RGS6: variants seen among roughly 807,000 people sequenced by gnomAD.
RGS6 encodes the protein regulator of G-protein signaling 6.
In RGS6, 30 loss-of-function variants were observed where a neutral mutation model predicts 78.5. The observed-to-expected ratio is 0.38, with a 90% CI of 0.29 to 0.52. The LOEUF (loss-of-function observed/expected upper bound fraction) is 0.52, where lower values mean the gene tolerates loss of function less well. RGS6 is among the 20% of genes least tolerant of loss of function. RGS6 has a pLI of 0.85. For missense variants in RGS6, 495 were observed against 609.7 expected (o/e 0.81, Z 1.98); for synonymous variants, 206 against 206.0 (o/e 1.00, Z 0.00).
chr14:72,563,362 C>G lies in RGS6; in HGVS notation c.*895C>G, dbSNP rs1042089237. On this transcript the variant is annotated 3_prime_UTR_variant, in exon 18 of 18. Transcript: ENST00000553525. ...TGAACTCAGGGGCCATTGGGATTCT[C>G]CCCTCTGGCAGCCCCAGGTGGGAGC... 2.6e-5 allele frequency: 4 copies of G among 152,956 alleles called. No individual in the cohort carries two copies. The highest frequency in any genetic ancestry group is 9.6e-5 in the African/African-American group (4 of 41,464). 9.5% of individuals were successfully genotyped at this position (152,956 alleles called of 1,614,324 possible). A position where few individuals can be genotyped will look rare whatever the true frequency, so the allele number is the denominator to read the frequency against.
At chr14:71,974,958 A>AGG (rs2094026971) in intron 2 of RGS6, among the ~76,000 whole-genome samples, 1 of 152,180 alleles carries the variant, frequency 6.6e-6, no homozygotes, top group Non-Finnish European at 1.5e-5. Context: ...TGGGTAACAT[A>AGG]GGGAGACAAC....
At position 72,403,860 on chromosome 14, in the gene RGS6, G is replaced by T. The variant is rs144721198; in HGVS notation, c.185-50668G>T. Reference sequence around the variant, plus strand: ...AGGCCTAAATGAATCTTACCTGAGAGTGCTGAAAGAAAATTATGTTTAATT... The same window carrying T: ...AGGCCTAAATGAATCTTACCTGAGATTGCTGAAAGAAAATTATGTTTAATT... On this transcript the variant is annotated intron_variant, in intron 3 of 17. Coordinates refer to ENST00000553525, the MANE Select transcript of RGS6 (RefSeq NM_001204424.2). 2.1e-3 allele frequency among the ~76,000 whole-genome samples: 325 copies of T among 152,290 alleles called. 2 individuals are homozygous for T. The highest frequency in any genetic ancestry group is 7.4e-3 in the African/African-American group (307 of 41,552).
chr14:72,436,712 G>A (rs1167094702), intron 3 of RGS6, among the ~76,000 whole-genome samples: 1 of 152,166 alleles, frequency 6.6e-6, no homozygotes, highest in Non-Finnish European at 1.5e-5. Context: ...CCACTGACCT[G>A]TCTTACTATT....
chr14:72,026,271 G>A (rs1478237671), intron 2 of RGS6, among the ~76,000 whole-genome samples: 1 of 152,108 alleles, frequency 6.6e-6, no homozygotes, highest in Admixed American at 6.5e-5. Flanking sequence ...GCCGGGCATG[G>A]TGGCACATGT....
At chr14:72,537,724 T>A (rs2097269410) in intron 16 of RGS6, 6 of 601,670 alleles carry the variant, frequency 1.0e-5, no homozygotes, top group Non-Finnish European at 1.5e-5. Context: ...TCAAAGTAAG[T>A]TTTTCTTATT....
intron 15 of RGS6, among the ~76,000 whole-genome samples, chr14:72,526,572 A>C (rs879762631): frequency 2.1e-5 from 3 of 145,802 alleles, no homozygotes; most frequent in Non-Finnish European, 4.4e-5. Flanking sequence ...TGCTTTGCAG[A>C]GTAAAGGCAA....
chr14:72,038,538 CATTT>C (rs1049672753), intron 2 of RGS6, among the ~76,000 whole-genome samples: 3 of 151,922 alleles, frequency 2.0e-5, no homozygotes, highest in African/African-American at 7.2e-5. Context: ...ATGTTTTTTT[CATTT>C]ATTTAGGTCC....
At chr14:72,083,131 G>A (rs554220511) in intron 2 of RGS6, among the ~76,000 whole-genome samples, 1 of 152,234 alleles carries the variant, frequency 6.6e-6, no homozygotes, top group Admixed American at 6.5e-5. Flanking sequence ...TAGAAAACTT[G>A]CCTATAAGGT....
chr14:72,139,365 G>T (rs963152125), intron 2 of RGS6, among the ~76,000 whole-genome samples: 2 of 152,124 alleles, frequency 1.3e-5, no homozygotes, highest in African/African-American at 4.8e-5. Context: ...ACTGTTCCTT[G>T]CAACCAGTGA....
At chr14:72,469,585 G>T (rs2096018474) in intron 7 of RGS6, 2 of 155,200 alleles carry the variant, frequency 1.3e-5, no homozygotes, top group Non-Finnish European at 2.8e-5. Context: ...GTCCTTCCCA[G>T]CTCCCCACTG....
chr14:72,269,561 T>A, intron 2 of RGS6, among the ~76,000 whole-genome samples: 1 of 130,942 alleles, frequency 7.6e-6, no homozygotes, highest in Non-Finnish European at 1.6e-5. Flanking sequence ...GTGAAACCTA[T>A]CTTAAATTTT....
At chr14:72,349,979 C>T (rs939160033) in intron 2 of RGS6, among the ~76,000 whole-genome samples, 23 of 152,130 alleles carry the variant, frequency 1.5e-4, no homozygotes, top group African/African-American at 5.6e-4. Flanking sequence ...GAAAATGTGA[C>T]CATTTTTCTA....
chr14:72,603,997 A>G, the RGS6 span, among the ~76,000 whole-genome samples: 2 of 152,320 alleles, frequency 1.3e-5, no homozygotes, highest in Non-Finnish European at 2.9e-5. Context: ...AGAGAGTAAT[A>G]GTATAGTTTA....
At chr14:72,504,743 T>TCCC (rs1388108787) in intron 13 of RGS6, among the ~76,000 whole-genome samples, 1 of 143,480 alleles carries the variant, frequency 7.0e-6, no homozygotes, top group African/African-American at 2.6e-5. Flanking sequence ...TCCCCTTCCC[T>TCCC]CTCCTTTCCT....
intron 2 of RGS6, among the ~76,000 whole-genome samples, chr14:72,078,242 T>G (rs1158627546): frequency 3.3e-5 from 5 of 152,186 alleles, no homozygotes; most frequent in African/African-American, 9.7e-5. Context: ...ACCGGCCATG[T>G]AAGGTGAGGA....
chr14:71,967,189 G>GTATATATATATATATATA lies in RGS6; in HGVS notation c.84+2318_84+2335dup, dbSNP rs10571406. Reference sequence around the variant, plus strand: ...TTCGTGTGACAAACTTGTGTAAAGAGTATATATATATATATATATATGTTC... The same window carrying GTATATATATATATATATA: ...TTCGTGTGACAAACTTGTGTAAAGAGTATATATATATATATATATATATATATATATATATATATGTTC... On this transcript the variant is annotated intron_variant, in intron 2 of 17. Transcript: ENST00000553525. Among the ~76,000 whole-genome samples the GTATATATATATATATATA allele has an allele frequency of 3.3e-3, 475 of 145,754 alleles. 5 individuals carry two copies. The highest frequency in any genetic ancestry group is 0.011 in the African/African-American group (435 of 38,786).
intron 12 of RGS6, among the ~76,000 whole-genome samples, chr14:72,482,151 T>C (rs2096394347): frequency 6.6e-6 from 1 of 152,184 alleles, no homozygotes; most frequent in Non-Finnish European, 1.5e-5. Context: ...TTAAATATGG[T>C]TCATCCACTT....
chr14:72,214,086 C>CG (rs1282714287), intron 2 of RGS6, among the ~76,000 whole-genome samples: 1 of 3,926 alleles, frequency 2.5e-4, no homozygotes, highest in Non-Finnish European at 3.9e-4. Context: ...TTGTTTTATG[C>CG]ATTTTGAGTT....
At position 71,947,507 on chromosome 14, in the gene RGS6, C is replaced by T. The variant is rs72735909; in HGVS notation, c.-21+14566C>T. On this transcript the variant is annotated intron_variant, in intron 1 of 17. Coordinates refer to ENST00000553525, the MANE Select transcript of RGS6 (RefSeq NM_001204424.2). ...GTCTTTTTTGTTGTTGTTTTCGAGACAGGGTCTCACTCTGTTGCCCAGGCT... is the reference window on the plus strand; with the variant it reads ...GTCTTTTTTGTTGTTGTTTTCGAGATAGGGTCTCACTCTGTTGCCCAGGCT... Among the ~76,000 whole-genome samples the T allele has an allele frequency of 6.3e-3, 960 of 152,242 alleles. 4 individuals are homozygous for T. Among genetic ancestry groups the T allele is most frequent in the Non-Finnish European group, 0.011 (772 of 68,014 alleles).
Sources: allele counts gnomAD v4.1 joint callset (sites outside exome capture counted in the v4.1 genomes callset), GRCh38; gene constraint gnomAD v4.1.1; transcripts MANE v1.5; gene names NCBI Gene and HGNC (gene_info 2026-07-23, HGNC 2026-07-21).